AGPAT4: variants seen among roughly 807,000 people sequenced by gnomAD.
The protein encoded by AGPAT4 is 1-acyl-sn-glycerol-3-phosphate acyltransferase delta.
A neutral mutation model predicts 48.0 loss-of-function variants in AGPAT4; 15 were observed. The ratio of observed to expected loss-of-function variants is 0.31; its 90% CI spans 0.21 to 0.48. The LOEUF is 0.48. Ranked by LOEUF, AGPAT4 falls within the 20% of genes least tolerant of loss-of-function variation. The probability of loss-of-function intolerance (pLI) is 0.99; values close to 1 mark genes in which losing one functional copy is unlikely to be tolerated. For missense variants in AGPAT4, 314 were observed against 482.5 expected (o/e 0.65, Z 3.27); for synonymous variants, 178 against 198.7 (o/e 0.90, Z 0.88).
chr6:161,166,127 T>C lies in AGPAT4; in HGVS notation c.348+121A>G. 1.5e-6 allele frequency: 2 copies of C among 1,333,414 alleles called. No individual in the cohort carries two copies. Among genetic ancestry groups the C allele is most frequent in the Non-Finnish European group, 2.1e-6 (2 of 967,222 alleles). 82.6% of individuals were successfully genotyped at this position (1,333,414 alleles called of 1,614,324 possible). A position where few individuals can be genotyped will look rare whatever the true frequency, so the allele number is the denominator to read the frequency against. ...TAAAAAGCAGTTTATTAGGACCATTTCATCAAGTAGAAACTCTGTTGATTC... is the reference window on the plus strand; with the variant it reads ...TAAAAAGCAGTTTATTAGGACCATTCCATCAAGTAGAAACTCTGTTGATTC... On this transcript the variant is annotated intron_variant, in intron 3 of 8. Transcript: ENST00000320285. The surrounding 1 kb of genome is among the most constrained non-coding windows in gnomAD (Gnocchi z 6.7).
At position 161,264,723 on chromosome 6, in the gene AGPAT4, G is replaced by A. The variant is rs1415091697; in HGVS notation, c.-90+9215C>T. 6.6e-6 allele frequency among the ~76,000 whole-genome samples: 1 copy of A among 152,176 alleles called. No individual in the cohort carries two copies. The highest frequency in any genetic ancestry group is 2.4e-5 in the African/African-American group (1 of 41,446). On this transcript the variant is annotated intron_variant, in intron 1 of 8. Coordinates refer to ENST00000320285, the MANE Select transcript of AGPAT4 (RefSeq NM_020133.3). The surrounding 1 kb of genome is among the most constrained non-coding windows in gnomAD (Gnocchi z 6.8). The stretch of plus-strand genomic sequence containing the variant: ...GGCTCCCTAAGAAACGCTGAAAGGG[G>A]ATTCTGGAGTTGGGTGGGGAGTTGG...
intron 2 of AGPAT4, among the ~76,000 whole-genome samples, chr6:161,173,361 T>C (rs1780335561): frequency 6.6e-6 from 1 of 152,236 alleles, no homozygotes; most frequent in Admixed American, 6.5e-5. Context: ...TGGCATATCA[T>C]TGTGGTTTTG....
Position 161,195,720 on chromosome 6 carries a change from T to G in AGPAT4, c.179-29303A>C, listed in dbSNP as rs114494533. On this transcript the variant is annotated intron_variant, in intron 2 of 8. Transcript: ENST00000320285. The surrounding 1 kb of genome is among the most constrained non-coding windows in gnomAD (Gnocchi z 5.0). ...AACTCTAAGAAGGCCACCCTCTGTC[T>G]CTCAGATCCAAAACTACACATGCAG... Among the ~76,000 whole-genome samples the G allele has an allele frequency of 0.016, 2,444 of 152,292 alleles. 71 individuals carry two copies. The highest frequency in any genetic ancestry group is 0.056 in the African/African-American group (2,329 of 41,550).
intron 1 of AGPAT4, among the ~76,000 whole-genome samples, chr6:161,271,544 C>T (rs1047568023): frequency 6.6e-6 from 1 of 152,226 alleles, no homozygotes; most frequent in African/African-American, 2.4e-5. Flanking sequence ...CTCTGGGTGT[C>T]ACCTCTGTCA....
intron 2 of AGPAT4, among the ~76,000 whole-genome samples, chr6:161,173,881 A>G (rs1351409071): frequency 6.6e-6 from 1 of 152,228 alleles, no homozygotes; most frequent in Non-Finnish European, 1.5e-5. Context: ...CAGTTTTCCC[A>G]GCACCATTTA....
chr6:161,166,112 T>G lies in AGPAT4; in HGVS notation c.348+136A>C. 1 of 1,192,448 alleles carries G rather than the reference T, an allele frequency of 8.4e-7. No homozygotes were observed. Among genetic ancestry groups the G allele is most frequent in the South Asian group, 1.5e-5 (1 of 65,770 alleles). 73.9% of individuals were successfully genotyped at this position (1,192,448 alleles called of 1,614,324 possible). On this transcript the variant is annotated intron_variant, in intron 3 of 8. Coordinates refer to ENST00000320285, the MANE Select transcript of AGPAT4 (RefSeq NM_020133.3). This position sits in a 1 kb window ranked among gnomAD's most constrained non-coding sequence, Gnocchi z 6.7. ...GACTCCCAGCAAGAATAAAAAGCAG[T>G]TTATTAGGACCATTTCATCAAGTAG...
At position 161,240,871 on chromosome 6, in the gene AGPAT4, G is replaced by T. The variant is rs1316216093; in HGVS notation, c.-89-8569C>A. Among the ~76,000 whole-genome samples the T allele has an allele frequency of 6.6e-6, 1 of 152,202 alleles. No homozygotes were observed. The highest frequency in any genetic ancestry group is 2.4e-5 in the African/African-American group (1 of 41,450). On this transcript the variant is annotated intron_variant, in intron 1 of 8. Coordinates refer to ENST00000320285, the MANE Select transcript of AGPAT4 (RefSeq NM_020133.3). This position sits in a 1 kb window ranked among gnomAD's most constrained non-coding sequence, Gnocchi z 5.5. ...TCAGTTTTGGCTCCCTTAGAGTTCA[G>T]TTGGCCTAATTCCTACAACCAAACA...
rs998334560 is a variant in AGPAT4 at position 161,148,312 on chromosome 6, A to G, written c.767+875T>C. On this transcript the variant is annotated intron_variant, in intron 6 of 8. Transcript: ENST00000320285. The surrounding 1 kb of genome is among the most constrained non-coding windows in gnomAD (Gnocchi z 5.5). ...GACGATGCTGTCCTATTTTCATGGG[A>G]AAGCCAGAGTCATTTTTAGATCAGA... 6.6e-6 allele frequency among the ~76,000 whole-genome samples: 1 copy of G among 152,194 alleles called. No individual in the cohort carries two copies.
rs1409802715 is a variant in AGPAT4, at chr6:161,229,269, A to G, written c.178+2767T>C. On this transcript the variant is annotated intron_variant, in intron 2 of 8. Transcript: ENST00000320285. This position sits in a 1 kb window ranked among gnomAD's most constrained non-coding sequence, Gnocchi z 6.0. ...CTTAGAAAATCAGCTGCAAATCATG[A>G]ATGCTGATGACTGTCTAAGCTCAGA... 2.0e-5 allele frequency among the ~76,000 whole-genome samples: 3 copies of G among 152,174 alleles called. No homozygotes were observed. Among genetic ancestry groups the G allele is most frequent in the Admixed American group, 2.0e-4 (3 of 15,288 alleles).
Position 161,258,670 on chromosome 6 carries a change from G to A in AGPAT4, c.-90+15268C>T, listed in dbSNP as rs142697177. 4.6e-3 allele frequency among the ~76,000 whole-genome samples: 697 copies of A among 151,734 alleles called. 1 individual carries two copies. The highest frequency in any genetic ancestry group is 7.9e-3 in the Non-Finnish European group (537 of 67,958). Reference sequence around the variant, plus strand: ...ATTTCTCCTCCCCACCCCACTCCCCGCAAAAAACACAGAAACACCATCCAC... The same window carrying A: ...ATTTCTCCTCCCCACCCCACTCCCCACAAAAAACACAGAAACACCATCCAC... On this transcript the variant is annotated intron_variant, in intron 1 of 8. Coordinates refer to ENST00000320285, the MANE Select transcript of AGPAT4 (RefSeq NM_020133.3).
At chr6:161,224,640 C>CAAAAAAAAAA (rs71543000) in intron 2 of AGPAT4, among the ~76,000 whole-genome samples, 1 of 78,662 alleles carries the variant, frequency 1.3e-5, no homozygotes, top group Non-Finnish European at 2.4e-5. Flanking sequence ...GACTCCTTCT[C>CAAAAAAAAAA]AAAAAAAAAA....
intron 8 of AGPAT4, among the ~76,000 whole-genome samples, chr6:161,136,943 G>GGTCGTC (rs1779086373): frequency 1.3e-5 from 2 of 152,226 alleles, no homozygotes; most frequent in African/African-American, 4.8e-5. Flanking sequence ...TTCCTCTGCT[G>GGTCGTC]ACCCCCAGGT....
rs1304816910 is a variant in AGPAT4, at chr6:161,261,389, CTGAG to C, written c.-90+12545_-90+12548del. 6.6e-6 allele frequency among the ~76,000 whole-genome samples: 1 copy of C among 152,228 alleles called. No individual in the cohort carries two copies. Among genetic ancestry groups the C allele is most frequent in the Non-Finnish European group, 1.5e-5 (1 of 68,048 alleles). ...CCCACGAAGCAGGCTTCCTCAGGAG[CTGAG>C]TGTCTTTCACCATCATATCCACAGC... is the stretch of plus-strand genomic sequence containing the variant. On this transcript the variant is annotated intron_variant, in intron 1 of 8. Transcript: ENST00000320285. The surrounding 1 kb of genome is among the most constrained non-coding windows in gnomAD (Gnocchi z 5.3).
In AGPAT4 at chr6:161,196,674, TG is replaced by T. The variant is rs1442300149; in HGVS notation, c.179-30258del. On this transcript the variant is annotated intron_variant, in intron 2 of 8. Transcript: ENST00000320285. This position sits in a 1 kb window ranked among gnomAD's most constrained non-coding sequence, Gnocchi z 4.3. ...AATACAAAAAATTAGCCTGGTGTGATGGTTTGCAGCTGTAGTCCCAGCTACT... is the reference window on the plus strand; with the variant it reads ...AATACAAAAAATTAGCCTGGTGTGATGTTTGCAGCTGTAGTCCCAGCTACT... 1.3e-5 allele frequency among the ~76,000 whole-genome samples: 2 copies of T among 151,854 alleles called. No homozygotes were observed. Among genetic ancestry groups the T allele is most frequent in the African/African-American group, 4.8e-5 (2 of 41,330 alleles).
chr6:161,183,115 C>G (rs1780647918), intron 2 of AGPAT4, among the ~76,000 whole-genome samples: 1 of 152,184 alleles, frequency 6.6e-6, no homozygotes, highest in Non-Finnish European at 1.5e-5. Context: ...ATTTTAAACT[C>G]CCTTCCCATA....
At position 161,146,542 on chromosome 6, in the gene AGPAT4, G is replaced by A. The variant is rs1562311905; in HGVS notation, c.825C>T (p.His275=). Residue 275 remains histidine, a synonymous_variant, in exon 7 of 9, where the codon CAC becomes CAT. Coordinates refer to ENST00000320285, the MANE Select transcript of AGPAT4 (RefSeq NM_020133.3). The surrounding 1 kb of genome is among the most constrained non-coding windows in gnomAD (Gnocchi z 7.1). ...EDDDECSAWL[H]KLYQEKDAFQ... ...CACTGACCTTCTCCTGGTAGAGCTTGTGCAGCCAGGCCGAGCACTCGTCAT... is the reference window on the plus strand; with the variant it reads ...CACTGACCTTCTCCTGGTAGAGCTTATGCAGCCAGGCCGAGCACTCGTCAT... 1.9e-6 allele frequency: 3 copies of A among 1,614,016 alleles called. No individual in the cohort carries two copies. The highest frequency in any genetic ancestry group is 3.3e-5 in the Admixed American group (2 of 60,020).
chr6:161,243,309 C>T lies in AGPAT4; in HGVS notation c.-89-11007G>A, dbSNP rs1272512205. Among the ~76,000 whole-genome samples, 1 of 152,090 alleles carries T rather than the reference C, an allele frequency of 6.6e-6. No homozygotes were observed. The highest frequency in any genetic ancestry group is 6.5e-5 in the Admixed American group (1 of 15,280). ...AGACCCGGCCCTGGGCCGGCAGAAG[C>T]AGGCGTGAGGTGGCTGGCATCCCCA... On this transcript the variant is annotated intron_variant, in intron 1 of 8. Transcript: ENST00000320285. This position sits in a 1 kb window ranked among gnomAD's most constrained non-coding sequence, Gnocchi z 4.8.
In AGPAT4 at chr6:161,259,295, T is replaced by C. The variant is rs1324920526; in HGVS notation, c.-90+14643A>G. ...ATGTTTAAATACACATTATTCTTAGTTATGGTCACAATGCCATGTAACAGA... is the reference window on the plus strand; with the variant it reads ...ATGTTTAAATACACATTATTCTTAGCTATGGTCACAATGCCATGTAACAGA... On this transcript the variant is annotated intron_variant, in intron 1 of 8. Transcript: ENST00000320285. This position sits in a 1 kb window ranked among gnomAD's most constrained non-coding sequence, Gnocchi z 4.9. 6.6e-6 allele frequency among the ~76,000 whole-genome samples: 1 copy of C among 152,164 alleles called. No homozygotes were observed. Among genetic ancestry groups the C allele is most frequent in the African/African-American group, 2.4e-5 (1 of 41,454 alleles).
chr6:161,178,965 G>T lies in AGPAT4; in HGVS notation c.179-12548C>A, dbSNP rs754007978. Among the ~76,000 whole-genome samples the T allele has an allele frequency of 6.6e-6, 1 of 152,188 alleles. No individual in the cohort carries two copies. The highest frequency in any genetic ancestry group is 1.5e-5 in the Non-Finnish European group (1 of 68,038). The stretch of plus-strand genomic sequence containing the variant: ...CCCCACCTGGAAATCTCACAGAGCT[G>T]GTGCCCAGTTCCTCAGGGTGATGAC... On this transcript the variant is annotated intron_variant, in intron 2 of 8. Coordinates refer to ENST00000320285, the MANE Select transcript of AGPAT4 (RefSeq NM_020133.3). This position sits in a 1 kb window ranked among gnomAD's most constrained non-coding sequence, Gnocchi z 5.1.
Sources: allele counts gnomAD v4.1 joint callset (sites outside exome capture counted in the v4.1 genomes callset), GRCh38; gene constraint gnomAD v4.1.1; non-coding constraint Gnocchi (gnomAD v3.1); transcripts MANE v1.5; gene names NCBI Gene and HGNC (gene_info 2026-07-23, HGNC 2026-07-21).